NDUFAF2: variants seen among roughly 807,000 people sequenced by gnomAD.
NDUFAF2 encodes NADH dehydrogenase [ubiquinone] 1 alpha subcomplex assembly factor 2.
NDUFAF2 carries 13 observed loss-of-function variants against 22.8 expected under a neutral mutation model. The ratio of observed to expected loss-of-function variants is 0.57; its 90% CI spans 0.37 to 0.91. The LOEUF (loss-of-function observed/expected upper bound fraction) is 0.91, where lower values mean the gene tolerates loss of function less well. Among genes scored for constraint, NDUFAF2 ranks in the 40% least tolerant of loss-of-function variants. The pLI, the probability that NDUFAF2 is intolerant of heterozygous loss-of-function variation, is 0.01. For missense variants in NDUFAF2, 162 were observed against 195.2 expected, an observed-to-expected ratio of 0.83 and a Z score of 1.01; for synonymous variants, 53 against 64.2, an observed-to-expected ratio of 0.83 and a Z score of 0.84.
chr5:61,052,634 A>G (rs374205449), intron 1 of NDUFAF2, among the ~76,000 whole-genome samples: 17 of 152,252 alleles, frequency 1.1e-4, no homozygotes, highest in African/African-American at 3.9e-4. Flanking sequence ...TATTATCCTT[A>G]ATACTAATGT....
intron 1 of NDUFAF2, among the ~76,000 whole-genome samples, chr5:60,987,234 T>C (rs190224758): frequency 2.6e-5 from 4 of 152,108 alleles, no homozygotes; most frequent in Non-Finnish European, 4.4e-5. Context: ...CAGGAAGAAA[T>C]TGAATCCCTG....
intron 1 of NDUFAF2, among the ~76,000 whole-genome samples, chr5:61,012,639 T>C (rs1751456158): frequency 6.6e-6 from 1 of 152,020 alleles, no homozygotes; most frequent in Non-Finnish European, 1.5e-5. Flanking sequence ...TAATAATATA[T>C]ATTAGTATTT....
intron 1 of NDUFAF2, among the ~76,000 whole-genome samples, chr5:61,002,496 C>A (rs1038925804): frequency 1.3e-5 from 2 of 152,142 alleles, no homozygotes; most frequent in African/African-American, 2.4e-5. Context: ...TCTTTCTTCT[C>A]CTCAACATGA....
intron 1 of NDUFAF2, among the ~76,000 whole-genome samples, chr5:60,972,424 A>C (rs1750846083): frequency 6.6e-6 from 1 of 152,006 alleles, no homozygotes; most frequent in South Asian, 2.1e-4. Context: ...AGTTCTCATG[A>C]GATCTGACAG....
intron 1 of NDUFAF2, among the ~76,000 whole-genome samples, chr5:60,979,258 A>G (rs1187087482): frequency 1.3e-5 from 2 of 152,076 alleles, no homozygotes; most frequent in East Asian, 3.9e-4. Context: ...ACGGGTAATG[A>G]CTTTTTCTAC....
At chr5:61,101,330 A>C (rs1579830193) in intron 3 of NDUFAF2, among the ~76,000 whole-genome samples, 3 of 152,166 alleles carry the variant, frequency 2.0e-5, no homozygotes, top group Admixed American at 2.0e-4. Flanking sequence ...GCCAACTTTT[A>C]TAGTAATCAT....
At chr5:60,983,658 A>C (rs1751023942) in intron 1 of NDUFAF2, among the ~76,000 whole-genome samples, 1 of 151,108 alleles carries the variant, frequency 6.6e-6, no homozygotes, top group African/African-American at 2.4e-5. Flanking sequence ...TAAATAGGGA[A>C]TCCTTTCCCC....
intron 1 of NDUFAF2, among the ~76,000 whole-genome samples, chr5:60,974,908 C>T (rs1018615861): frequency 1.3e-5 from 2 of 152,034 alleles, no homozygotes; most frequent in Non-Finnish European, 2.9e-5. Flanking sequence ...TTCCTCCTCC[C>T]GGGTTCAAGC....
chr5:60,960,523 T>G (rs1294345486), intron 1 of NDUFAF2, among the ~76,000 whole-genome samples: 2 of 152,208 alleles, frequency 1.3e-5, no homozygotes, highest in Non-Finnish European at 2.9e-5. Context: ...AGTTCAGCAG[T>G]TCCTTTCTGC....
intron 1 of NDUFAF2, among the ~76,000 whole-genome samples, chr5:61,051,291 T>G (rs1034375651): frequency 6.6e-6 from 1 of 152,186 alleles, no homozygotes; most frequent in Non-Finnish European, 1.5e-5. Flanking sequence ...TTTTCCTGTG[T>G]GGTATCACAG....
intron 1 of NDUFAF2, among the ~76,000 whole-genome samples, chr5:61,045,735 G>C (rs1428353459): frequency 6.6e-6 from 1 of 151,910 alleles, no homozygotes; most frequent in African/African-American, 2.4e-5. Context: ...GAGTCTTTAG[G>C]ATTTTTTAGA....
chr5:61,107,448 A>G (rs1300393168), intron 3 of NDUFAF2, among the ~76,000 whole-genome samples: 1 of 151,126 alleles, frequency 6.6e-6, no homozygotes, highest in Non-Finnish European at 1.5e-5. Flanking sequence ...GATTTTTCCT[A>G]TTGAGTTGTT....
chr5:61,112,216 C>T (rs1752852701), intron 3 of NDUFAF2, among the ~76,000 whole-genome samples: 2 of 140,358 alleles, frequency 1.4e-5, no homozygotes, highest in Non-Finnish European at 3.1e-5. Flanking sequence ...TTTATCCCCC[C>T]CCCTTTTTTT....
intron 1 of NDUFAF2, among the ~76,000 whole-genome samples, chr5:60,954,055 T>C (rs1299895202): frequency 2.0e-5 from 3 of 152,140 alleles, no homozygotes; most frequent in African/African-American, 7.2e-5. Context: ...ACTGGAAGAT[T>C]GTGGTGCTTT....
intron 1 of NDUFAF2, among the ~76,000 whole-genome samples, chr5:61,040,254 A>G (rs1580108139): frequency 1.2e-5 from 1 of 81,046 alleles, no homozygotes; most frequent in African/African-American, 4.5e-5. Context: ...AGGAAAGGAC[A>G]CACACACACA....
intron 1 of NDUFAF2, among the ~76,000 whole-genome samples, chr5:61,053,759 A>C (rs1752052498): frequency 6.6e-6 from 1 of 152,230 alleles, no homozygotes; most frequent in Admixed American, 6.5e-5. Flanking sequence ...AATAGACATC[A>C]GAATACAATA....
At chr5:61,061,662 T>A (rs1580117933) in intron 1 of NDUFAF2, among the ~76,000 whole-genome samples, 1 of 152,158 alleles carries the variant, frequency 6.6e-6, no homozygotes, top group East Asian at 1.9e-4. Context: ...AACCTATACA[T>A]CAGGTCCCAG....
chr5:60,951,106 T>C (rs1312124124), intron 1 of NDUFAF2, among the ~76,000 whole-genome samples: 2 of 152,128 alleles, frequency 1.3e-5, no homozygotes. Flanking sequence ...ATTGGCTCGG[T>C]GCAACCTCTG....
intron 3 of NDUFAF2, chr5:61,115,080 C>G (rs1752894636): frequency 6.6e-6 from 1 of 152,272 alleles, no homozygotes; most frequent in Non-Finnish European, 1.5e-5. Context: ...AGGAATCTAT[C>G]TGTTGCTCTA....
Sources: gnomAD v4.1 joint callset for allele counts (sites outside exome capture counted in the v4.1 genomes callset) on GRCh38, gnomAD v4.1.1 for gene constraint, MANE v1.5 for transcripts, NCBI Gene and HGNC (gene_info 2026-07-23, HGNC 2026-07-21) for gene names.